The following FAM124A variants were observed in gnomAD, a reference collection of about 807,000 sequenced individuals.
FAM124A encodes family with sequence similarity 124 member A.
Under a neutral mutation model 24.5 loss-of-function variants are expected in FAM124A, and 23 were observed. That is an observed-to-expected ratio of 0.94 (90% CI 0.68 to 1.33). The LOEUF (loss-of-function observed/expected upper bound fraction) is 1.33. Among genes scored for constraint, FAM124A ranks in the 40% most tolerant of loss-of-function variants. The pLI, the probability that FAM124A is intolerant of heterozygous loss-of-function variation, is 0.00. For synonymous variants in FAM124A, 287 were observed against 314.7 expected (o/e 0.91, Z 0.93); for missense variants, 623 against 722.8 (o/e 0.86, Z 1.58).
At position 51,281,545 on chromosome 13, in the gene FAM124A, T is replaced by G; in HGVS notation, c.*289T>G. ...GTTTAGTGGGTTTATACAATTTAAA[T>G]GGCTTATATAATTATTTGAAATGAA... On this transcript the variant is annotated 3_prime_UTR_variant, in exon 4 of 4. Coordinates refer to ENST00000322475, the MANE Select transcript of FAM124A (RefSeq NM_001242312.2). 3.8e-6 allele frequency: 1 copy of G among 265,766 alleles called. No individual in the cohort carries two copies. The highest frequency in any genetic ancestry group is 7.0e-6 in the Non-Finnish European group (1 of 143,494). The allele number at this position is 265,766 out of a possible 1,614,324, so 16.5% of individuals were successfully genotyped here.
intron 2 of FAM124A, among the ~76,000 whole-genome samples, chr13:51,235,046 AC>A (rs1223255345): frequency 6.6e-6 from 1 of 151,836 alleles, no homozygotes; most frequent in African/African-American, 2.4e-5. Context: ...GGGGGATGTG[AC>A]CGGGGGGCTT....
At position 51,280,466 on chromosome 13, in the gene FAM124A, A is replaced by G. The variant is rs1053496340; in HGVS notation, c.851A>G (p.Lys284Arg). 6 of 1,606,718 alleles carry G rather than the reference A, an allele frequency of 3.7e-6. No homozygotes were observed. Among genetic ancestry groups the G allele is most frequent in the Middle Eastern group, 1.7e-4 (1 of 6,042 alleles). ...CCCCCACAGGCACAAAGGGTGCATA[A>G]GAAGTTTCCTAAACCTGGCAGAGTA... is the stretch of plus-strand genomic sequence containing the variant. ...KILLQAQRVH[K>R]KFPKPGRVHH... Residue 284 changes from lysine to arginine, a missense_variant, in exon 4 of 4, where the codon AAG (lysine) becomes AGG (arginine). Coordinates refer to ENST00000322475, the MANE Select transcript of FAM124A (RefSeq NM_001242312.2).
chr13:51,223,971 A>T lies in FAM124A; in HGVS notation c.68+1402A>T, dbSNP rs181265328. On this transcript the variant is annotated intron_variant, in intron 1 of 3. Transcript: ENST00000322475. ...CATTTTCAATTTGCAGAACTCACCT[A>T]AAACTGATATTTTTTTCAAGGGCTC... 1.0e-3 allele frequency among the ~76,000 whole-genome samples: 158 copies of T among 152,312 alleles called. 2 individuals are homozygous for T. The highest frequency in any genetic ancestry group is 9.4e-4 in the Non-Finnish European group (64 of 68,026).
chr13:51,237,859 C>A (rs939915982), intron 2 of FAM124A, among the ~76,000 whole-genome samples: 5 of 152,210 alleles, frequency 3.3e-5, no homozygotes, highest in Non-Finnish European at 5.9e-5. Flanking sequence ...CTTTTCCCCA[C>A]CCCAGAAGCC....
chr13:51,230,363 A>T (rs1254706403), intron 1 of FAM124A, among the ~76,000 whole-genome samples: 3 of 152,206 alleles, frequency 2.0e-5, no homozygotes, highest in African/African-American at 7.2e-5. Flanking sequence ...AGTTCAATGG[A>T]GTGAAAATTG....
chr13:51,279,921 G>A (rs568845876), intron 3 of FAM124A, among the ~76,000 whole-genome samples: 31 of 152,244 alleles, frequency 2.0e-4, no homozygotes, highest in African/African-American at 7.2e-4. Flanking sequence ...ACTGTGTCCT[G>A]GCTATCATGC....
At chr13:51,268,860 G>A (rs1319114457) in intron 3 of FAM124A, among the ~76,000 whole-genome samples, 1 of 152,238 alleles carries the variant, frequency 6.6e-6, no homozygotes, top group Admixed American at 6.5e-5. Flanking sequence ...GGTTCAACCA[G>A]CTCCTCTCTT....
At position 51,283,875 on chromosome 13, in the gene FAM124A, C is replaced by T. The variant is rs1954963179; in HGVS notation, c.*2619C>T. The stretch of plus-strand genomic sequence containing the variant: ...AGTGTGCTCACATGCTCGCCTAGGA[C>T]TGCTTTAGAGTACAACTCTGGACCC... On this transcript the variant is annotated 3_prime_UTR_variant, in exon 4 of 4. Transcript: ENST00000322475. 6.7e-6 allele frequency: 1 copy of T among 150,360 alleles called. No individual in the cohort carries two copies. Among genetic ancestry groups the T allele is most frequent in the South Asian group, 2.1e-4 (1 of 4,718 alleles). 9.3% of individuals were successfully genotyped at this position (150,360 alleles called of 1,614,324 possible).
chr13:51,240,900 C>G (rs1489121646), intron 2 of FAM124A, among the ~76,000 whole-genome samples: 1 of 152,176 alleles, frequency 6.6e-6, no homozygotes, highest in Non-Finnish European at 1.5e-5. Context: ...ACGCTTCTGG[C>G]ACACAGATTT....
chr13:51,269,519 T>C (rs1954819681), intron 3 of FAM124A, among the ~76,000 whole-genome samples: 1 of 152,246 alleles, frequency 6.6e-6, no homozygotes, highest in African/African-American at 2.4e-5. Flanking sequence ...TGTTTATATG[T>C]TGAATTGATT....
chr13:51,256,191 A>G (rs1235191888), intron 3 of FAM124A, among the ~76,000 whole-genome samples: 1 of 152,238 alleles, frequency 6.6e-6, no homozygotes, highest in Non-Finnish European at 1.5e-5. Flanking sequence ...AGCACAGTCC[A>G]AGGACCCAAA....
chr13:51,280,370 C>T, intron 3 of FAM124A, 80 bp from the exon 4 acceptor site: 2 of 1,294,086 alleles, frequency 1.5e-6, no homozygotes, highest in South Asian at 3.1e-5. Flanking sequence ...CCAGGAGTTT[C>T]CAATGATTGG....
At position 51,255,444 on chromosome 13, in the gene FAM124A, G is replaced by A. The variant is rs78725312; in HGVS notation, c.834+3243G>A. 4.2e-3 allele frequency among the ~76,000 whole-genome samples: 640 copies of A among 152,250 alleles called. 7 individuals carry two copies. Among genetic ancestry groups the A allele is most frequent in the African/African-American group, 0.014 (583 of 41,538 alleles). ...GCACCACTGCAAAATTTTCCTTATC[G>A]CAGAAAGTTCTATCAGCCAGCACTG... is the stretch of plus-strand genomic sequence containing the variant. On this transcript the variant is annotated intron_variant, in intron 3 of 3. Coordinates refer to ENST00000322475, the MANE Select transcript of FAM124A (RefSeq NM_001242312.2).
chr13:51,280,628 G>A lies in FAM124A; in HGVS notation c.1013G>A (p.Gly338Glu). ...CCCATCCGGACAGGCCTGCCTCCTG[G>A]GCACCAGCAGGAATTTGCCGGACGA... ...PGPIRTGLPP[G>E]HQQEFAGRAN... Residue 338 changes from glycine (G) to glutamate (E), a missense_variant, in exon 4 of 4, where the codon GGG becomes GAG. Transcript: ENST00000322475. 1.2e-6 allele frequency: 2 copies of A among 1,614,212 alleles called. No homozygotes were observed. Among genetic ancestry groups the A allele is most frequent in the Non-Finnish European group, 1.7e-6 (2 of 1,180,036 alleles).
At position 51,280,772 on chromosome 13, in the gene FAM124A, G is replaced by T. The variant is rs1282290374; in HGVS notation, c.1157G>T (p.Gly386Val). Residue 386 changes from glycine to valine, a missense_variant, in exon 4 of 4, where the codon GGT becomes GTT. Coordinates refer to ENST00000322475, the MANE Select transcript of FAM124A (RefSeq NM_001242312.2). ...SAEPQWFSNTGAPGHRASEWR... is the reference protein window; with the variant it reads ...SAEPQWFSNTVAPGHRASEWR... The stretch of plus-strand genomic sequence containing the variant: ...GAACCACAGTGGTTTTCAAACACAG[G>T]TGCCCCAGGGCACAGGGCATCAGAG... 6.2e-6 allele frequency: 10 copies of T among 1,614,216 alleles called. No homozygotes were observed. Among genetic ancestry groups the T allele is most frequent in the Non-Finnish European group, 7.6e-6 (9 of 1,180,046 alleles).
At chr13:51,233,306 C>T (rs1379659320) in intron 2 of FAM124A, among the ~76,000 whole-genome samples, 1 of 152,126 alleles carries the variant, frequency 6.6e-6, no homozygotes, top group Non-Finnish European at 1.5e-5. Flanking sequence ...GCCATCACAT[C>T]CTTGTTCCAG....
chr13:51,231,420 C>G (rs1027901009), intron 2 of FAM124A, 41 bp downstream of exon 2: 2 of 1,609,082 alleles, frequency 1.2e-6, no homozygotes, highest in South Asian at 2.2e-5. Flanking sequence ...GTCTAACGGT[C>G]CCCGGAGAGG....
rs115684517 is a variant in FAM124A at position 51,278,119 on chromosome 13, T to C, written c.835-2331T>C. On this transcript the variant is annotated intron_variant, in intron 3 of 3. Transcript: ENST00000322475. ...CAGGGAGGCAGCTAGCCTGCACTGCTTCAAAGAGAAAGAAAGGAACGAGTA... is the reference window on the plus strand; with the variant it reads ...CAGGGAGGCAGCTAGCCTGCACTGCCTCAAAGAGAAAGAAAGGAACGAGTA... Among the ~76,000 whole-genome samples, 421 of 152,300 alleles carry C rather than the reference T, an allele frequency of 2.8e-3. 3 individuals are homozygous for C. The highest frequency in any genetic ancestry group is 9.6e-3 in the African/African-American group (397 of 41,560).
chr13:51,259,838 T>C (rs557685708), intron 3 of FAM124A, among the ~76,000 whole-genome samples: 2 of 152,040 alleles, frequency 1.3e-5, no homozygotes, highest in Non-Finnish European at 2.9e-5. Flanking sequence ...CCTCTAACAG[T>C]GTCTGGCACA....
Sources: gnomAD v4.1 joint callset for allele counts (sites outside exome capture counted in the v4.1 genomes callset) on GRCh38, gnomAD v4.1.1 for gene constraint, MANE v1.5 for transcripts, NCBI Gene and HGNC (gene_info 2026-07-23, HGNC 2026-07-21) for gene names.